Variants in SUCO observed in about 807,000 individuals in gnomAD.
SUCO encodes the protein SUN domain-containing ossification factor.
Under a neutral mutation model 148.1 loss-of-function variants are expected in SUCO, and 57 were observed. The observed-to-expected ratio is 0.38, with a 90% confidence interval of 0.31 to 0.48. The LOEUF (loss-of-function observed/expected upper bound fraction) is 0.48. Among genes scored for constraint, SUCO ranks in the 20% least tolerant of loss-of-function variants. The probability of loss-of-function intolerance (pLI) is 0.96; values close to 1 mark genes in which losing one functional copy is unlikely to be tolerated. For synonymous variants in SUCO, 470 were observed against 502.7 expected, an observed-to-expected ratio of 0.93 and a Z score of 0.87; for missense variants, 1,331 against 1,468.2, an observed-to-expected ratio of 0.91 and a Z score of 1.53.
At chr1:172,596,668 C>T (rs867156974) in intron 19 of SUCO, among the ~76,000 whole-genome samples, 22 of 152,174 alleles carry the variant, frequency 1.4e-4, no homozygotes, top group African/African-American at 4.1e-4. Flanking sequence ...GAGGGGCACC[C>T]GGCCCCATAT....
intron 19 of SUCO, among the ~76,000 whole-genome samples, chr1:172,591,643 T>C (rs1290566729): frequency 6.6e-6 from 1 of 152,006 alleles, no homozygotes; most frequent in African/African-American, 2.4e-5. Context: ...TATTCCATGG[T>C]GTATATGTGC....
chr1:172,585,047 G>T lies in SUCO; in HGVS notation c.1528G>T (p.Ala510Ser). The T allele has an allele frequency of 1.1e-5, 17 of 1,604,428 alleles. No homozygotes were observed. The highest frequency in any genetic ancestry group is 1.4e-5 in the Non-Finnish European group (17 of 1,174,888). The stretch of plus-strand genomic sequence containing the variant: ...CATTCTAAATATGGTGAATATTGCT[G>T]CTAATATTCTGGGAGCAAAAACTGA... ...NAILNMVNIA[A>S]NILGAKTEDL... Residue 510 changes from alanine to serine, a missense_variant, in exon 16 of 24, where the codon GCT (alanine) becomes TCT (serine). Ala to Ser is a moderately conservative substitution (Grantham distance 99). Coordinates refer to ENST00000263688, the MANE Select transcript of SUCO (RefSeq NM_014283.5).
At chr1:172,568,919 A>G (rs1654748597) in intron 6 of SUCO, 100 bp from the exon 7 acceptor site, 1 of 1,152,150 alleles carries the variant, frequency 8.7e-7, no homozygotes, top group Non-Finnish European at 1.2e-6. Flanking sequence ...TTCATTATAA[A>G]TTGGAACTTT....
Position 172,610,055 on chromosome 1 carries a change from G to A in SUCO, c.3561G>A (p.Leu1187=). Residue 1187 remains leucine, a synonymous_variant, in exon 24 of 24, where the codon CTG becomes CTA. Transcript: ENST00000263688. The part of the protein sequence containing the change: ...YFCGISACTS[L]CNGQSQKTKT... ...GTGGCATTTCAGCTTGCACAAGTCT[G>A]TGCAATGGACAGTCTCAAAAGACAA... 1 of 1,613,882 alleles carries A rather than the reference G, an allele frequency of 6.2e-7. No homozygotes were observed. The highest frequency in any genetic ancestry group is 1.3e-5 in the African/African-American group (1 of 75,006).
chr1:172,546,728 G>T (rs1265593776), intron 1 of SUCO, among the ~76,000 whole-genome samples: 1 of 152,104 alleles, frequency 6.6e-6, no homozygotes, highest in Non-Finnish European at 1.5e-5. Context: ...GGGCAACATG[G>T]CAAAACCCCA....
At chr1:172,565,485 A>C (rs1654485050) in intron 6 of SUCO, among the ~76,000 whole-genome samples, 1 of 152,222 alleles carries the variant, frequency 6.6e-6, no homozygotes, top group South Asian at 2.1e-4. Context: ...CAAAAACCCC[A>C]GCGCATCTTG....
At chr1:172,555,464 G>T in intron 3 of SUCO, 1 of 950,488 alleles carries the variant, frequency 1.1e-6, no homozygotes, top group Non-Finnish European at 1.3e-6. Context: ...ATCTTATATC[G>T]TTGCTTATTG....
intron 9 of SUCO, among the ~76,000 whole-genome samples, chr1:172,572,213 T>C (rs1315740480): frequency 1.3e-5 from 2 of 148,332 alleles, no homozygotes; most frequent in Admixed American, 6.7e-5. Flanking sequence ...CAACAGCTCA[T>C]TGAGAACGGA....
chr1:172,579,795 C>G (rs557651866), intron 15 of SUCO, among the ~76,000 whole-genome samples: 31 of 152,072 alleles, frequency 2.0e-4, no homozygotes, highest in Non-Finnish European at 3.2e-4. Flanking sequence ...AAGGAGACTA[C>G]TAGAAAGACC....
chr1:172,577,043 A>G (rs1655498358), intron 11 of SUCO: 1 of 763,706 alleles, frequency 1.3e-6, no homozygotes, highest in African/African-American at 1.9e-5. Flanking sequence ...TCCCCGAAAT[A>G]AGTTGTATAT....
At chr1:172,553,060 T>C (rs1653425098) in intron 2 of SUCO, 200 bp from the exon 3 acceptor site, 1 of 223,046 alleles carries the variant, frequency 4.5e-6, no homozygotes, top group Non-Finnish European at 7.5e-6. Context: ...AACTGGTGTA[T>C]TGCACATTTT....
chr1:172,559,492 T>A (rs1653983234), intron 6 of SUCO, among the ~76,000 whole-genome samples: 1 of 152,162 alleles, frequency 6.6e-6, no homozygotes, highest in Non-Finnish European at 1.5e-5. Flanking sequence ...CAGGAAAGAA[T>A]TCAAGGGCAA....
In SUCO at chr1:172,538,725, A is replaced by C. The variant is rs574727773; in HGVS notation, c.62+5228A>C. On this transcript the variant is annotated intron_variant, in intron 1 of 23. Transcript: ENST00000263688. ...TTACAAAAATGATTTTTTTAGTGGAACTTAATGTGAAAGACTGAGGAAAAA... is the reference window on the plus strand; with the variant it reads ...TTACAAAAATGATTTTTTTAGTGGACCTTAATGTGAAAGACTGAGGAAAAA... Among the ~76,000 whole-genome samples, 3 of 152,306 alleles carry C rather than the reference A, an allele frequency of 2.0e-5. No homozygotes were observed. In the East Asian group the frequency reaches 5.8e-4, roughly 29 times the overall value.
At chr1:172,609,653 G>A (rs938189254) in intron 23 of SUCO, 163 bp from the exon 24 acceptor site, 1 of 984,594 alleles carries the variant, frequency 1.0e-6, no homozygotes, top group Non-Finnish European at 1.2e-6. Context: ...GATGATGCTA[G>A]TATCTATATA....
At chr1:172,548,564 C>G (rs1454729259) in intron 1 of SUCO, among the ~76,000 whole-genome samples, 1 of 152,026 alleles carries the variant, frequency 6.6e-6, no homozygotes, top group African/African-American at 2.4e-5. Flanking sequence ...CTACATCCCA[C>G]CAATTGTGAT....
intron 9 of SUCO, among the ~76,000 whole-genome samples, chr1:172,572,696 T>TAAAAAAAAAAAAA (rs61248782): frequency 2.0e-5 from 1 of 49,600 alleles, no homozygotes; most frequent in Non-Finnish European, 3.7e-5. Context: ...GAATGATCAA[T>TAAAAAAAAAAAAA]AAAAAAAAAA....
chr1:172,593,382 G>T (rs1034641202), intron 19 of SUCO, among the ~76,000 whole-genome samples: 1 of 152,118 alleles, frequency 6.6e-6, no homozygotes, highest in African/African-American at 2.4e-5. Context: ...TCCAGTTTTT[G>T]TCCATTCAGT....
chr1:172,532,839 C>T, upstream of SUCO: 1 of 1,549,040 alleles, frequency 6.5e-7, no homozygotes, highest in South Asian at 1.2e-5. Context: ...TCACTGGGCT[C>T]CTCCCGGCTT....
At position 172,589,079 on chromosome 1, in the gene SUCO, G is replaced by GTGT; in HGVS notation, c.1980_1982dup (p.Leu661dup). The stretch of plus-strand genomic sequence containing the variant: ...TTTGAGTAAAGGAAAAGATTATCTT[G>GTGT]TGTTAGCTCAACCACCCTTACTACT... On this transcript the variant is annotated inframe_insertion, in exon 18 of 24. Coordinates refer to ENST00000263688, the MANE Select transcript of SUCO (RefSeq NM_014283.5). 6.2e-7 allele frequency: 1 copy of GTGT among 1,613,768 alleles called. No homozygotes were observed. Among genetic ancestry groups the GTGT allele is most frequent in the Non-Finnish European group, 8.5e-7 (1 of 1,179,830 alleles).
Sources: allele counts gnomAD v4.1 joint callset (sites outside exome capture counted in the v4.1 genomes callset), GRCh38; gene constraint gnomAD v4.1.1; transcripts MANE v1.5; gene names NCBI Gene and HGNC (gene_info 2026-07-23, HGNC 2026-07-21).